Variants in SPATA17 observed in about 807,000 individuals in gnomAD.
The protein encoded by SPATA17 is spermatogenesis associated 17.
SPATA17 carries 53 observed loss-of-function variants against 62.2 expected under a neutral mutation model. That is an observed-to-expected ratio of 0.85 (90% CI 0.68 to 1.07). The LOEUF (loss-of-function observed/expected upper bound fraction) is 1.07. SPATA17 is among the 50% of genes least tolerant of loss of function. The pLI is 0.00. For synonymous variants in SPATA17, 146 were observed against 146.8 expected (o/e 0.99, Z 0.04); for missense variants, 466 against 425.5 (o/e 1.10, Z -0.84).
At chr1:217,760,870 A>G (rs548760896) in intron 6 of SPATA17, among the ~76,000 whole-genome samples, 1 of 152,328 alleles carries the variant, frequency 6.6e-6, no homozygotes, top group East Asian at 1.9e-4. Flanking sequence ...AACACTAGGT[A>G]TCCAGAGGAA....
At chr1:217,730,399 TA>T (rs1265204234) in intron 5 of SPATA17, among the ~76,000 whole-genome samples, 1 of 152,002 alleles carries the variant, frequency 6.6e-6, no homozygotes, top group Non-Finnish European at 1.5e-5. Context: ...GTATTTTTAG[TA>T]GAGACAGGGT....
intron 3 of SPATA17, among the ~76,000 whole-genome samples, chr1:217,654,999 C>T (rs556570350): frequency 2.4e-3 from 372 of 152,204 alleles, no homozygotes; most frequent in African/African-American, 6.8e-3. Flanking sequence ...CGTGAGCCAC[C>T]GCACCCAGCC....
chr1:217,726,131 T>A (rs1397391840), intron 5 of SPATA17, among the ~76,000 whole-genome samples: 1 of 152,198 alleles, frequency 6.6e-6, no homozygotes, highest in Non-Finnish European at 1.5e-5. Context: ...TGGCTTGTTT[T>A]CTTGCTCAGT....
intron 8 of SPATA17, among the ~76,000 whole-genome samples, chr1:217,791,075 ACT>A (rs1269274378): frequency 6.6e-6 from 1 of 152,152 alleles, no homozygotes; most frequent in Non-Finnish European, 1.5e-5. Flanking sequence ...TTTATTTGTA[ACT>A]CTTCCATTTA....
At chr1:217,804,727 A>G (rs552958889) in intron 9 of SPATA17, among the ~76,000 whole-genome samples, 1 of 152,346 alleles carries the variant, frequency 6.6e-6, no homozygotes, top group East Asian at 1.9e-4. Flanking sequence ...AATGGGCAAA[A>G]GACTGGAATA....
chr1:217,777,344 C>A (rs146785543), intron 7 of SPATA17, among the ~76,000 whole-genome samples: 1 of 152,222 alleles, frequency 6.6e-6, no homozygotes, highest in African/African-American at 2.4e-5. Context: ...CAGTTTCCCC[C>A]TTGGACCGCT....
chr1:217,682,878 A>T (rs956550231), intron 4 of SPATA17, among the ~76,000 whole-genome samples: 1 of 152,130 alleles, frequency 6.6e-6, no homozygotes, highest in Non-Finnish European at 1.5e-5. Context: ...AACTAAACGT[A>T]TATTTCAATG....
chr1:217,823,321 G>A (rs1245116446), intron 9 of SPATA17, among the ~76,000 whole-genome samples: 4 of 151,938 alleles, frequency 2.6e-5, no homozygotes, highest in East Asian at 1.9e-4. Context: ...AACTAAGAAC[G>A]GAATGGGTAG....
chr1:217,766,720 C>CT (rs71167423), intron 6 of SPATA17, among the ~76,000 whole-genome samples: 10 of 131,424 alleles, frequency 7.6e-5, no homozygotes, highest in African/African-American at 2.0e-4. Flanking sequence ...ATATCGTTCT[C>CT]TTTTTTTTTT....
intron 1 of SPATA17, among the ~76,000 whole-genome samples, chr1:217,633,352 C>T (rs1169802532): frequency 6.6e-6 from 1 of 152,036 alleles, no homozygotes; most frequent in African/African-American, 2.4e-5. Context: ...TTGGTTATCA[C>T]AATGTTATAA....
chr1:217,656,140 T>G (rs1670437744), intron 3 of SPATA17, among the ~76,000 whole-genome samples: 1 of 151,990 alleles, frequency 6.6e-6, no homozygotes, highest in Admixed American at 6.6e-5. Context: ...CGCCTTGGCC[T>G]CCAAAAATGC....
intron 1 of SPATA17, among the ~76,000 whole-genome samples, chr1:217,635,861 G>A (rs1022954680): frequency 1.3e-5 from 2 of 151,914 alleles, no homozygotes; most frequent in African/African-American, 2.4e-5. Context: ...GACGCCGGGA[G>A]CAGTGGCTCA....
chr1:217,660,163 A>T (rs1185800491), intron 3 of SPATA17, among the ~76,000 whole-genome samples: 1 of 152,148 alleles, frequency 6.6e-6, no homozygotes, highest in Non-Finnish European at 1.5e-5. Flanking sequence ...CTTATTTCCT[A>T]CGTATCCCTC....
In SPATA17 at chr1:217,770,226, C is replaced by A. The variant is rs141191256; in HGVS notation, c.520-4108C>A. 3.3e-5 allele frequency among the ~76,000 whole-genome samples: 5 copies of A among 152,242 alleles called. No homozygotes were observed. The East Asian group carries it at 9.7e-4, about 29-fold the overall frequency. Reference sequence around the variant, plus strand: ...GACACACCTCCTTTAAGAACTGTTTCTCTCTCGTGGTATTCAGAAATTTTT... The same window carrying A: ...GACACACCTCCTTTAAGAACTGTTTATCTCTCGTGGTATTCAGAAATTTTT... On this transcript the variant is annotated intron_variant, in intron 6 of 10. Coordinates refer to ENST00000366933, the MANE Select transcript of SPATA17 (RefSeq NM_138796.4).
Position 217,665,838 on chromosome 1 carries a change from C to A in SPATA17, c.241-3195C>A, listed in dbSNP as rs189640137. 4.6e-3 allele frequency among the ~76,000 whole-genome samples: 699 copies of A among 152,244 alleles called. 4 individuals are homozygous for A. Among genetic ancestry groups the A allele is most frequent in the African/African-American group, 0.016 (645 of 41,538 alleles). On this transcript the variant is annotated intron_variant, in intron 3 of 10. Transcript: ENST00000366933. Reference sequence around the variant, plus strand: ...TGTTTTCAAAAGGAATATATTCCTTCTAAAAAATTTCAGAAGCTTTCTAAA... The same window carrying A: ...TGTTTTCAAAAGGAATATATTCCTTATAAAAAATTTCAGAAGCTTTCTAAA...
intron 9 of SPATA17, among the ~76,000 whole-genome samples, chr1:217,839,880 A>G (rs955287864): frequency 3.3e-5 from 5 of 152,054 alleles, no homozygotes; most frequent in Non-Finnish European, 7.4e-5. Flanking sequence ...TGATGTCCAC[A>G]TTTTGCACTG....
intron 5 of SPATA17, among the ~76,000 whole-genome samples, chr1:217,709,668 A>G (rs185146471): frequency 3.1e-4 from 47 of 152,328 alleles, no homozygotes; most frequent in African/African-American, 1.1e-3. Context: ...AAATTATGCA[A>G]TGGAATGAAT....
intron 5 of SPATA17, among the ~76,000 whole-genome samples, chr1:217,702,785 A>G (rs1671629127): frequency 6.6e-6 from 1 of 152,120 alleles, no homozygotes; most frequent in South Asian, 2.1e-4. Context: ...TGCATCTTAA[A>G]TTAGCTTTAT....
intron 6 of SPATA17, among the ~76,000 whole-genome samples, chr1:217,766,233 C>T (rs996696769): frequency 5.9e-5 from 9 of 151,620 alleles, no homozygotes; most frequent in African/African-American, 9.7e-5. Flanking sequence ...TTCATCTGTG[C>T]CCCTTGTTCT....
Sources: gnomAD v4.1 joint callset for allele counts (sites outside exome capture counted in the v4.1 genomes callset) on GRCh38, gnomAD v4.1.1 for gene constraint, MANE v1.5 for transcripts, NCBI Gene and HGNC (gene_info 2026-07-23, HGNC 2026-07-21) for gene names.